CBFB: variants seen among roughly 807,000 people sequenced by gnomAD.
CBFB encodes the protein CBF-beta.
In CBFB, 9 loss-of-function variants were observed where a neutral mutation model predicts 30.4. That is an observed-to-expected ratio of 0.30 (90% CI 0.18 to 0.52). CBFB has a LOEUF of 0.52. Ranked by LOEUF, CBFB falls within the 20% of genes least tolerant of loss-of-function variation. CBFB has a pLI of 0.97. For missense variants in CBFB, 170 were observed against 244.0 expected (o/e 0.70, Z 2.02); for synonymous variants, 94 against 84.0 (o/e 1.12, Z -0.65).
intron 3 of CBFB, among the ~76,000 whole-genome samples, chr16:67,038,308 ATGTGTATATATACGTATATG>A (rs1966475282): frequency 6.6e-6 from 1 of 151,358 alleles, no homozygotes; most frequent in African/African-American, 2.4e-5. Context: ...ACACGTATAT[ATGTGTATATATACGTATATG>A]TGTGTGTATA....
At chr16:67,036,901 TATA>T (rs1966448808) in intron 3 of CBFB, 146 bp downstream of exon 3, 1 of 586,826 alleles carries the variant, frequency 1.7e-6, no homozygotes, top group Admixed American at 2.8e-5. Flanking sequence ...AAGGATGTAA[TATA>T]ATTTTTTTTT....
chr16:67,041,706 T>A (rs1249210937), intron 3 of CBFB, among the ~76,000 whole-genome samples: 1 of 151,810 alleles, frequency 6.6e-6, no homozygotes, highest in African/African-American at 2.4e-5. Flanking sequence ...GAACAGCAGG[T>A]TAGGTTGGTT....
intron 3 of CBFB, among the ~76,000 whole-genome samples, chr16:67,038,648 G>A (rs1053553099): frequency 6.6e-6 from 1 of 151,936 alleles, no homozygotes; most frequent in African/African-American, 2.4e-5. Context: ...GTCCTTGTAC[G>A]ATTATTGGTT....
At chr16:67,079,385 A>AT (rs1000864935) in intron 4 of CBFB, among the ~76,000 whole-genome samples, 2 of 152,134 alleles carry the variant, frequency 1.3e-5, no homozygotes, top group African/African-American at 4.8e-5. Flanking sequence ...GTCACTGAAA[A>AT]TTTTGAGTAT....
intron 3 of CBFB, 44 bp downstream of exon 3, chr16:67,036,799 T>C (rs780139465): frequency 1.9e-6 from 2 of 1,045,848 alleles, no homozygotes; most frequent in Non-Finnish European, 3.0e-6. Context: ...TGGGTTGTTT[T>C]GTTAGAGATT....
chr16:67,082,235 A>T lies in CBFB; in HGVS notation c.422A>T (p.Gln141Leu), dbSNP rs1192355918. 1.2e-6 allele frequency: 2 copies of T among 1,607,644 alleles called. No homozygotes were observed. The highest frequency in any genetic ancestry group is 3.3e-5 in the Admixed American group (2 of 59,860). The change falls in exon 5 of 6, where the codon CAG becomes CTG. Residue 141 changes from glutamine to leucine, a missense_variant. Transcript: ENST00000412916. ...CAGCAGGAGGATGCATTAGCACAAC[A>T]GGCCTTTGAAGAGGCTCGGAGAAGG... ...RAQQEDALAQ[Q>L]AFEEARRRTR...
chr16:67,054,578 A>C (rs1467161421), intron 3 of CBFB, among the ~76,000 whole-genome samples: 3 of 151,868 alleles, frequency 2.0e-5, no homozygotes, highest in Non-Finnish European at 2.9e-5. Context: ...TATTTTTTCT[A>C]TTCTTTTCTG....
intron 2 of CBFB, among the ~76,000 whole-genome samples, chr16:67,030,543 C>T (rs1261099066): frequency 2.6e-5 from 4 of 151,578 alleles, no homozygotes; most frequent in African/African-American, 9.7e-5. Flanking sequence ...TTTTGGTTTG[C>T]CTTGTTGGAG....
intron 5 of CBFB, among the ~76,000 whole-genome samples, chr16:67,088,045 G>C (rs893355600): frequency 2.6e-5 from 4 of 152,156 alleles, no homozygotes; most frequent in Admixed American, 6.6e-5. Flanking sequence ...ATAGAGAAAA[G>C]AGTTATATTT....
intron 3 of CBFB, among the ~76,000 whole-genome samples, chr16:67,057,021 C>T (rs910564009): frequency 1.5e-4 from 22 of 150,498 alleles, no homozygotes; most frequent in Non-Finnish European, 2.5e-4. Flanking sequence ...CTCACTCTTT[C>T]GCCCAGGCTG....
At chr16:67,082,972 T>G (rs2145772936) in intron 5 of CBFB, among the ~76,000 whole-genome samples, 1 of 152,294 alleles carries the variant, frequency 6.6e-6, no homozygotes, top group South Asian at 2.1e-4. Flanking sequence ...AACCACGGTT[T>G]GGTCAAAAAA....
chr16:67,065,460 A>G (rs564950145), intron 3 of CBFB, among the ~76,000 whole-genome samples: 1 of 152,378 alleles, frequency 6.6e-6, no homozygotes, highest in Admixed American at 6.5e-5. Flanking sequence ...TTTGTCATCT[A>G]AAGGTATTAT....
At chr16:67,068,167 A>G (rs1961110627) in intron 4 of CBFB, among the ~76,000 whole-genome samples, 3 of 151,898 alleles carry the variant, frequency 2.0e-5, no homozygotes, top group South Asian at 2.1e-4. Flanking sequence ...TCCAGGAACA[A>G]CCCCCCAGAA....
At chr16:67,044,395 GGTT>G (rs1966585779) in intron 3 of CBFB, among the ~76,000 whole-genome samples, 1 of 152,068 alleles carries the variant, frequency 6.6e-6, no homozygotes, top group Non-Finnish European at 1.5e-5. Context: ...ACTTTTCTAT[GGTT>G]GTTACATTCT....
chr16:67,061,631 CACATAAA>C (rs1960913395), intron 3 of CBFB, among the ~76,000 whole-genome samples: 1 of 152,120 alleles, frequency 6.6e-6, no homozygotes, highest in Non-Finnish European at 1.5e-5. Flanking sequence ...TGAAGATGTA[CACATAAA>C]ACTGTATTTA....
intron 3 of CBFB, among the ~76,000 whole-genome samples, chr16:67,049,343 A>G (rs1264423160): frequency 6.6e-6 from 1 of 152,042 alleles, no homozygotes; most frequent in Non-Finnish European, 1.5e-5. Flanking sequence ...AGCTGGGATT[A>G]CAGGAGCCTG....
At chr16:67,072,382 C>T (rs774648825) in intron 4 of CBFB, among the ~76,000 whole-genome samples, 1 of 152,080 alleles carries the variant, frequency 6.6e-6, no homozygotes, top group Non-Finnish European at 1.5e-5. Context: ...TTTATTCATG[C>T]ACTTTATTAG....
chr16:67,077,934 C>T (rs541748762), intron 4 of CBFB, among the ~76,000 whole-genome samples: 3 of 152,294 alleles, frequency 2.0e-5, no homozygotes, highest in South Asian at 2.1e-4. Context: ...CACCTGGCTA[C>T]GTTGTGCAGG....
chr16:67,046,275 T>G (rs1407038748), intron 3 of CBFB, among the ~76,000 whole-genome samples: 1 of 150,460 alleles, frequency 6.6e-6, no homozygotes, highest in Non-Finnish European at 1.5e-5. Context: ...CCCAGGTAAT[T>G]TTTTTGTAGA....
Sources: gnomAD v4.1 joint callset for allele counts (sites outside exome capture counted in the v4.1 genomes callset) on GRCh38, gnomAD v4.1.1 for gene constraint, MANE v1.5 for transcripts, NCBI Gene and HGNC (gene_info 2026-07-23, HGNC 2026-07-21) for gene names.